SLC24A2: variants seen among roughly 807,000 people sequenced by gnomAD.
The protein encoded by SLC24A2 is solute carrier family 24 member 2, also known as sodium/potassium/calcium exchanger 2.
SLC24A2 carries 36 observed loss-of-function variants against 62.0 expected under a neutral mutation model. The ratio of observed to expected loss-of-function variants is 0.58; its 90% CI spans 0.44 to 0.77. The LOEUF is 0.77. Ranked by LOEUF, SLC24A2 falls within the 30% of genes least tolerant of loss-of-function variation. SLC24A2 has a pLI of 0.00. For missense variants in SLC24A2, 846 were observed against 817.9 expected (o/e 1.03, Z -0.42); for synonymous variants, 358 against 294.0 (o/e 1.22, Z -2.23).
intron 2 of SLC24A2, among the ~76,000 whole-genome samples, chr9:19,684,752 C>G (rs1819829536): frequency 1.3e-5 from 2 of 151,990 alleles, no homozygotes; most frequent in South Asian, 4.1e-4. Flanking sequence ...GAGTTCATAT[C>G]TGGTTCTTGG....
the SLC24A2 span, among the ~76,000 whole-genome samples, chr9:19,983,484 A>G: frequency 6.6e-6 from 1 of 152,100 alleles, no homozygotes; most frequent in Non-Finnish European, 1.5e-5. Flanking sequence ...CTCTACTAAA[A>G]ACACAAAAAT....
At chr9:19,528,571 T>A (rs1242872465) in intron 8 of SLC24A2, among the ~76,000 whole-genome samples, 1 of 152,140 alleles carries the variant, frequency 6.6e-6, no homozygotes, top group Non-Finnish European at 1.5e-5. Flanking sequence ...TAACAATCCA[T>A]ATGCCAGGAA....
intron 2 of SLC24A2, among the ~76,000 whole-genome samples, chr9:19,741,892 T>G (rs1034699203): frequency 1.3e-5 from 2 of 152,240 alleles, no homozygotes; most frequent in African/African-American, 4.8e-5. Context: ...AAAATTCAGC[T>G]ATCTCAATTT....
Position 19,786,672 on chromosome 9 carries a change from C to T in SLC24A2, c.195G>A (p.Gln65=), listed in dbSNP as rs1823184273. The change falls in exon 2 of 11, where the codon CAG becomes CAA. Residue 65 remains glutamine (Q), a synonymous_variant. Coordinates refer to ENST00000341998, the MANE Select transcript of SLC24A2 (RefSeq NM_020344.4). This position sits in a 1 kb window ranked among gnomAD's most constrained non-coding sequence, Gnocchi z 5.0. The stretch of plus-strand genomic sequence containing the variant: ...TTACAACACTGGCCTCTCCTGTGCT[C>T]TGTGTATCTGTCTCAGAAAAGGCAC... ...SISAFSETDT[Q]STGEASVVSG... is the part of the protein sequence containing the mutation. The T allele has an allele frequency of 6.2e-7, 1 of 1,613,628 alleles. No individual in the cohort carries two copies. The highest frequency in any genetic ancestry group is 8.5e-7 in the Non-Finnish European group (1 of 1,179,760).
the SLC24A2 span, among the ~76,000 whole-genome samples, chr9:20,120,148 A>G: frequency 6.6e-6 from 1 of 152,098 alleles, no homozygotes. Flanking sequence ...ATTTTTTCTC[A>G]TCTGTGGCTT....
chr9:20,007,432 C>T, the SLC24A2 span, among the ~76,000 whole-genome samples: 12 of 152,058 alleles, frequency 7.9e-5, no homozygotes, highest in African/African-American at 2.9e-4. Context: ...GACATATGCG[C>T]CCCATGTTTT....
chr9:19,981,447 T>C, the SLC24A2 span, among the ~76,000 whole-genome samples: 1 of 152,310 alleles, frequency 6.6e-6, no homozygotes. Flanking sequence ...AGCATAACAA[T>C]GGTCAATTCT....
the SLC24A2 span, among the ~76,000 whole-genome samples, chr9:20,035,969 T>G: frequency 6.6e-6 from 1 of 151,776 alleles, no homozygotes; most frequent in African/African-American, 2.4e-5. Flanking sequence ...TAAGGAAGAA[T>G]AAAAGGCAAG....
At chr9:20,198,982 G>A in the SLC24A2 span, among the ~76,000 whole-genome samples, 1 of 152,160 alleles carries the variant, frequency 6.6e-6, no homozygotes, top group Non-Finnish European at 1.5e-5. Flanking sequence ...GTTAAATGAG[G>A]CACCTCTTTT....
At chr9:19,737,869 T>C (rs868074395) in intron 2 of SLC24A2, among the ~76,000 whole-genome samples, 4 of 152,160 alleles carry the variant, frequency 2.6e-5, no homozygotes, top group Non-Finnish European at 5.9e-5. Flanking sequence ...ACATGGAATG[T>C]CCTTCTATAT....
At chr9:19,790,149 T>C (rs1823295199), upstream of SLC24A2, among the ~76,000 whole-genome samples, 1 of 152,118 alleles carries the variant, frequency 6.6e-6, no homozygotes, top group East Asian at 1.9e-4. Context: ...TTGCCCAAGC[T>C]TGTCTTGAAT....
chr9:19,996,501 A>G, the SLC24A2 span, among the ~76,000 whole-genome samples: 1 of 152,116 alleles, frequency 6.6e-6, no homozygotes, highest in Non-Finnish European at 1.5e-5. Flanking sequence ...ACACTTTGGG[A>G]GGCTGAGGTG....
At chr9:19,993,233 C>G in the SLC24A2 span, among the ~76,000 whole-genome samples, 68 of 152,276 alleles carry the variant, frequency 4.5e-4, no homozygotes, top group Non-Finnish European at 7.9e-4. Flanking sequence ...TATAATACTT[C>G]CAGCAGAATT....
At chr9:20,275,642 T>C in the SLC24A2 span, among the ~76,000 whole-genome samples, 13,421 of 152,246 alleles carry the variant, frequency 0.088, 625 homozygotes, top group Middle Eastern at 0.12. Context: ...GATATGTTGA[T>C]TGAGATATAG....
the SLC24A2 span, among the ~76,000 whole-genome samples, chr9:19,946,191 C>G: frequency 6.6e-6 from 1 of 152,146 alleles, no homozygotes; most frequent in African/African-American, 2.4e-5. Flanking sequence ...CCAGCTCACC[C>G]CCAAGGACTG....
chr9:19,888,857 G>A, the SLC24A2 span, among the ~76,000 whole-genome samples: 1 of 152,110 alleles, frequency 6.6e-6, no homozygotes, highest in Non-Finnish European at 1.5e-5. Flanking sequence ...AAGGACAACT[G>A]GAACCCATGA....
chr9:20,137,066 TG>T, the SLC24A2 span, among the ~76,000 whole-genome samples: 1 of 152,154 alleles, frequency 6.6e-6, no homozygotes, highest in Non-Finnish European at 1.5e-5. Context: ...AGTTTGGATG[TG>T]AGGCACATAG....
chr9:19,544,729 C>G (rs1295554767), intron 8 of SLC24A2, among the ~76,000 whole-genome samples: 1 of 152,048 alleles, frequency 6.6e-6, no homozygotes, highest in East Asian at 1.9e-4. Flanking sequence ...GTTGAAAATT[C>G]TTTTAAGAAT....
chr9:19,882,233 C>T, the SLC24A2 span, among the ~76,000 whole-genome samples: 5 of 148,150 alleles, frequency 3.4e-5, no homozygotes, highest in African/African-American at 9.8e-5. Flanking sequence ...GTGCCCACCT[C>T]ACCACACCCT....
Sources: allele counts gnomAD v4.1 joint callset (sites outside exome capture counted in the v4.1 genomes callset), GRCh38; gene constraint gnomAD v4.1.1; non-coding constraint Gnocchi (gnomAD v3.1); transcripts MANE v1.5; gene names NCBI Gene and HGNC (gene_info 2026-07-23, HGNC 2026-07-21).